TBC1D22A: variants seen among roughly 807,000 people sequenced by gnomAD.
The protein encoded by TBC1D22A is TBC1 domain family member 22A.
A neutral mutation model predicts 60.2 loss-of-function variants in TBC1D22A; 38 were observed. The ratio of observed to expected loss-of-function variants is 0.63; its 90% CI spans 0.49 to 0.83. The LOEUF (loss-of-function observed/expected upper bound fraction) is 0.83. Ranked by LOEUF, TBC1D22A falls within the 40% of genes least tolerant of loss-of-function variation. The pLI is 0.00. For missense variants in TBC1D22A, 628 were observed against 701.0 expected (o/e 0.90, Z 1.18); for synonymous variants, 302 against 281.7 (o/e 1.07, Z -0.72).
intron 4 of TBC1D22A, among the ~76,000 whole-genome samples, chr22:46,858,414 G>A (rs2087679395): frequency 6.6e-6 from 1 of 152,156 alleles, no homozygotes. Context: ...GCAGCCGACA[G>A]CAGGCAAGCC....
chr22:46,793,810 G>A lies in TBC1D22A; in HGVS notation c.429G>A (p.Ser143=), dbSNP rs762354827. The A allele has an allele frequency of 5.0e-6, 8 of 1,593,924 alleles. No homozygotes were observed. Among genetic ancestry groups the A allele is most frequent in the Non-Finnish European group, 6.0e-6 (7 of 1,170,882 alleles). Residue 143 remains serine (S), a synonymous_variant, in exon 3 of 13, where the codon TCG becomes TCA. Coordinates refer to ENST00000337137, the MANE Select transcript of TBC1D22A (RefSeq NM_014346.5). Reference sequence around the variant, plus strand: ...GCGGCGACCTCCGGCTGGTGAAGTCGGTCAGTGAGAGCCACACGTCCTGTC... The same window carrying A: ...GCGGCGACCTCCGGCTGGTGAAGTCAGTCAGTGAGAGCCACACGTCCTGTC... ...PPSGDLRLVK[S]VSESHTSCPA...
chr22:47,132,569 C>G (rs117183882), intron 12 of TBC1D22A, among the ~76,000 whole-genome samples: 144 of 152,372 alleles, frequency 9.5e-4, no homozygotes, highest in Non-Finnish European at 1.7e-3. Flanking sequence ...TCCGACCCCA[C>G]AGGACATGAG....
At chr22:47,159,191 C>A (rs546778016) in intron 12 of TBC1D22A, among the ~76,000 whole-genome samples, 1 of 150,824 alleles carries the variant, frequency 6.6e-6, no homozygotes, top group Admixed American at 6.6e-5. Context: ...ACAACACACA[C>A]CACGCACACA....
intron 8 of TBC1D22A, among the ~76,000 whole-genome samples, chr22:46,952,529 G>A (rs2072971163): frequency 6.6e-6 from 1 of 152,184 alleles, no homozygotes; most frequent in Non-Finnish European, 1.5e-5. Flanking sequence ...AGTTTTGGGT[G>A]TGGGTGTTGG....
chr22:46,928,613 G>C (rs1206807110), intron 8 of TBC1D22A, among the ~76,000 whole-genome samples: 1 of 151,950 alleles, frequency 6.6e-6, no homozygotes, highest in Non-Finnish European at 1.5e-5. Context: ...ATACTCTCAA[G>C]AACATGAAAA....
chr22:46,925,224 A>T (rs1569517), intron 8 of TBC1D22A, among the ~76,000 whole-genome samples: 7 of 152,222 alleles, frequency 4.6e-5, no homozygotes, highest in African/African-American at 1.7e-4. Context: ...AATGTTCCTC[A>T]TAGCTTAGGT....
intron 7 of TBC1D22A, among the ~76,000 whole-genome samples, chr22:46,898,305 C>T (rs944513826): frequency 2.0e-5 from 3 of 152,148 alleles, no homozygotes; most frequent in Non-Finnish European, 2.9e-5. Context: ...AAAGCCTCCC[C>T]TGTCAATTGA....
chr22:47,057,986 C>T (rs746663190), intron 11 of TBC1D22A, among the ~76,000 whole-genome samples: 1 of 152,198 alleles, frequency 6.6e-6, no homozygotes, highest in Admixed American at 6.5e-5. Flanking sequence ...ATCTCAGCTG[C>T]GTCATTGCTA....
At chr22:47,137,370 T>G (rs755291226) in intron 12 of TBC1D22A, among the ~76,000 whole-genome samples, 33 of 152,190 alleles carry the variant, frequency 2.2e-4, no homozygotes, top group Non-Finnish European at 4.6e-4. Context: ...GAGTGGACAC[T>G]GGAGCATGGT....
In TBC1D22A at chr22:46,937,361, G is replaced by A. The variant is rs181717912; in HGVS notation, c.1015+25173G>A. Among the ~76,000 whole-genome samples the A allele has an allele frequency of 2.0e-3, 309 of 152,210 alleles. 4 individuals carry two copies. Among genetic ancestry groups the A allele is most frequent in the Non-Finnish European group, 3.6e-3 (245 of 68,010 alleles). ...TGGCGTATACCACAGAACTGTGTGC[G>A]AGCTGGAGAATTCCTCTCACCTGGT... On this transcript the variant is annotated intron_variant, in intron 8 of 12. Transcript: ENST00000337137.
intron 1 of TBC1D22A, among the ~76,000 whole-genome samples, chr22:46,768,647 A>G (rs2083380942): frequency 6.6e-6 from 1 of 152,100 alleles, no homozygotes; most frequent in Admixed American, 6.6e-5. Flanking sequence ...AAATGCCAAG[A>G]CAAAATCACA....
chr22:47,160,216 G>A (rs912567874), intron 12 of TBC1D22A, among the ~76,000 whole-genome samples: 1 of 152,250 alleles, frequency 6.6e-6, no homozygotes, highest in Non-Finnish European at 1.5e-5. Flanking sequence ...TGGACAGGAC[G>A]TGGACACCGC....
At chr22:46,808,523 G>A (rs927209009) in intron 4 of TBC1D22A, among the ~76,000 whole-genome samples, 1 of 152,096 alleles carries the variant, frequency 6.6e-6, no homozygotes, top group African/African-American at 2.4e-5. Context: ...GAGAGGTGAA[G>A]GATATCACCT....
chr22:46,891,098 ACCT>A (rs58581566), intron 5 of TBC1D22A, among the ~76,000 whole-genome samples, 165 bp from the exon 6 acceptor site: 21,682 of 148,894 alleles, frequency 0.15, 2,965 homozygotes, highest in African/African-American at 0.37. Flanking sequence ...CAGCTGGCTG[ACCT>A]CCTCTGTGTG....
intron 4 of TBC1D22A, among the ~76,000 whole-genome samples, chr22:46,851,707 A>G (rs2087285946): frequency 6.6e-6 from 1 of 152,242 alleles, no homozygotes; most frequent in South Asian, 2.1e-4. Flanking sequence ...GAGAGATGCC[A>G]CTGGGAGAAG....
intron 11 of TBC1D22A, among the ~76,000 whole-genome samples, chr22:47,055,864 C>T (rs934552659): frequency 2.0e-5 from 3 of 151,972 alleles, no homozygotes; most frequent in African/African-American, 4.8e-5. Flanking sequence ...AGATACGCCA[C>T]GGAGGGTTGA....
chr22:46,886,185 C>G (rs1214281705), intron 5 of TBC1D22A, among the ~76,000 whole-genome samples: 2 of 152,180 alleles, frequency 1.3e-5, no homozygotes, highest in African/African-American at 4.8e-5. Context: ...AGGTGTGAGC[C>G]GCCGCGCCCG....
At chr22:47,078,965 T>C (rs1470910291) in intron 11 of TBC1D22A, among the ~76,000 whole-genome samples, 1 of 152,174 alleles carries the variant, frequency 6.6e-6, no homozygotes, top group Admixed American at 6.5e-5. Context: ...TCCTCAACTG[T>C]GCAGAGCTTC....
intron 11 of TBC1D22A, among the ~76,000 whole-genome samples, chr22:47,103,943 C>T (rs899913354): frequency 1.3e-5 from 2 of 152,034 alleles, no homozygotes; most frequent in Non-Finnish European, 2.9e-5. Flanking sequence ...AATATTTTAC[C>T]CCAAAACGTG....
Sources: allele counts gnomAD v4.1 joint callset (sites outside exome capture counted in the v4.1 genomes callset), GRCh38; gene constraint gnomAD v4.1.1; transcripts MANE v1.5; gene names NCBI Gene and HGNC (gene_info 2026-07-23, HGNC 2026-07-21).